The following FCER1A variants were observed in gnomAD, a reference collection of about 807,000 sequenced individuals.
The protein encoded by FCER1A is Fc epsilon receptor Ia, also known as high affinity immunoglobulin epsilon receptor subunit alpha.
A neutral mutation model predicts 23.6 loss-of-function variants in FCER1A; 24 were observed. The ratio of observed to expected loss-of-function variants is 1.02; its 90% CI spans 0.74 to 1.43. The LOEUF (loss-of-function observed/expected upper bound fraction) is 1.43, where lower values mean the gene tolerates loss of function less well. FCER1A is among the 40% of genes most tolerant of loss of function. The probability of loss-of-function intolerance (pLI) is 0.00; values close to 1 mark genes in which losing one functional copy is unlikely to be tolerated. For missense variants in FCER1A, 318 were observed against 294.5 expected, an observed-to-expected ratio of 1.08 and a Z score of -0.58; for synonymous variants, 121 against 108.8, an observed-to-expected ratio of 1.11 and a Z score of -0.70.
upstream of FCER1A, among the ~76,000 whole-genome samples, chr1:159,287,167 G>A (rs1026368837): frequency 6.6e-6 from 1 of 152,150 alleles, no homozygotes; most frequent in Non-Finnish European, 1.5e-5. Flanking sequence ...AAACCAAATT[G>A]CTTGTGGCTT....
At chr1:159,288,602 G>T (rs1652074900), upstream of FCER1A, among the ~76,000 whole-genome samples, 1 of 152,128 alleles carries the variant, frequency 6.6e-6, no homozygotes, top group Admixed American at 6.5e-5. Flanking sequence ...GAGCTCTACT[G>T]CACTCTTATC....
At chr1:159,293,545 C>A (rs1309781738) in intron 1 of FCER1A, among the ~76,000 whole-genome samples, 1 of 94,516 alleles carries the variant, frequency 1.1e-5, no homozygotes, top group Non-Finnish European at 1.9e-5. Flanking sequence ...CCTCCCCCCT[C>A]CCCCCACCCC....
rs1415860653 is a variant in FCER1A at position 159,307,008 on chromosome 1, T to C, written c.590-740T>C. 2.0e-5 allele frequency among the ~76,000 whole-genome samples: 3 copies of C among 152,384 alleles called. No homozygotes were observed. The South Asian group carries it at 6.2e-4, about 32-fold the overall frequency. ...TCTCTAGGCTTCCAGTATCTTCATC[T>C]GTAAAACAGAATATTTGGTCTAGAT... On this transcript the variant is annotated intron_variant, in intron 4 of 4. Transcript: ENST00000693622.
intron 1 of FCER1A, 114 bp from the exon 2 acceptor site, chr1:159,302,740 C>T (rs528286521): frequency 3.1e-5 from 29 of 929,544 alleles, no homozygotes; most frequent in African/African-American, 1.5e-4. Flanking sequence ...CCTGAAAAGA[C>T]GGTTGGTCCT....
chr1:159,299,005 T>G (rs1488086390), upstream of FCER1A, among the ~76,000 whole-genome samples: 1 of 152,248 alleles, frequency 6.6e-6, no homozygotes, highest in East Asian at 1.9e-4. Flanking sequence ...CATGAGCATG[T>G]GCTCTTAAGA....
chr1:159,288,998 A>G (rs966648597), upstream of FCER1A, among the ~76,000 whole-genome samples: 2 of 152,194 alleles, frequency 1.3e-5, no homozygotes, highest in African/African-American at 4.8e-5. Context: ...CATTTTTCCT[A>G]TACTTTAAGA....
intron 3 of FCER1A, 111 bp downstream of exon 3, chr1:159,304,293 G>A: frequency 9.3e-7 from 1 of 1,078,358 alleles, no homozygotes; most frequent in African/African-American, 1.6e-5. Flanking sequence ...GGGATTCAAG[G>A]CCTCTCATTT....
At chr1:159,299,208 ACATAAATAT>A (rs1652368503), upstream of FCER1A, among the ~76,000 whole-genome samples, 1 of 152,232 alleles carries the variant, frequency 6.6e-6, no homozygotes, top group Non-Finnish European at 1.5e-5. Flanking sequence ...TTTGTTAGGT[ACATAAATAT>A]CACGAGCAGA....
upstream of FCER1A, among the ~76,000 whole-genome samples, chr1:159,300,167 C>G (rs1197410881): frequency 6.6e-6 from 1 of 152,094 alleles, no homozygotes; most frequent in African/African-American, 2.4e-5. Flanking sequence ...ATGAAAGTGG[C>G]CTCCCTAACT....
intron 1 of FCER1A, among the ~76,000 whole-genome samples, chr1:159,294,978 T>G (rs1037854434): frequency 1.3e-5 from 2 of 152,218 alleles, no homozygotes; most frequent in Non-Finnish European, 2.9e-5. Flanking sequence ...TTTAATGAGA[T>G]AGCCCTTGAT....
chr1:159,289,173 T>A (rs1423579201), upstream of FCER1A, among the ~76,000 whole-genome samples: 3 of 152,206 alleles, frequency 2.0e-5, no homozygotes, highest in East Asian at 5.8e-4. Flanking sequence ...GACCTCCTGC[T>A]GCTCTTTCTT....
At chr1:159,288,112 T>C (rs1652061486), upstream of FCER1A, among the ~76,000 whole-genome samples, 1 of 152,202 alleles carries the variant, frequency 6.6e-6, no homozygotes, top group Non-Finnish European at 1.5e-5. Context: ...CTGGCATGCA[T>C]TTTAATATAT....
intron 1 of FCER1A, among the ~76,000 whole-genome samples, chr1:159,296,265 A>G (rs963575523): frequency 6.6e-6 from 1 of 152,114 alleles, no homozygotes; most frequent in Admixed American, 6.6e-5. Flanking sequence ...AACTGGATCT[A>G]CCTCTGCTAC....
At chr1:159,286,568 G>A (rs1652025411), upstream of FCER1A, among the ~76,000 whole-genome samples, 2 of 152,164 alleles carry the variant, frequency 1.3e-5, no homozygotes, top group South Asian at 4.1e-4. Flanking sequence ...TCCTGACCTT[G>A]TGATCCGCCC....
chr1:159,302,975 A>G, intron 2 of FCER1A, 101 bp downstream of exon 2: 4 of 1,150,786 alleles, frequency 3.5e-6, no homozygotes, highest in Non-Finnish European at 5.3e-6. Flanking sequence ...TCTAATGAGC[A>G]TGAATCTGTT....
At position 159,302,391 on chromosome 1, in the gene FCER1A, T is replaced by A. The variant is rs1266749815; in HGVS notation, c.27T>A (p.Thr9=). ...TGGCTCCTGCCATGGAATCCCCTACTCTACTGTGTGTAGCCTTACTGTTCT... is the reference window on the plus strand; with the variant it reads ...TGGCTCCTGCCATGGAATCCCCTACACTACTGTGTGTAGCCTTACTGTTCT... The part of the protein sequence containing the change: MAPAMESP[T]LLCVALLFFA... The change falls in exon 1 of 5, where the codon ACT becomes ACA. Residue 9 remains threonine, a synonymous_variant. Coordinates refer to ENST00000693622, the MANE Select transcript of FCER1A (RefSeq NM_001387280.1). 3.1e-6 allele frequency: 5 copies of A among 1,611,230 alleles called. No homozygotes were observed. The highest frequency in any genetic ancestry group is 4.2e-6 in the Non-Finnish European group (5 of 1,177,444).
upstream of FCER1A, among the ~76,000 whole-genome samples, chr1:159,287,876 GA>G (rs2102212349): frequency 6.6e-6 from 1 of 151,620 alleles, no homozygotes; most frequent in South Asian, 2.1e-4. Context: ...AATAATCAAT[GA>G]ATTAATTGCT....
At chr1:159,289,100 A>ACC (rs1223826984), upstream of FCER1A, among the ~76,000 whole-genome samples, 1 of 152,308 alleles carries the variant, frequency 6.6e-6, no homozygotes, top group Admixed American at 6.5e-5. Flanking sequence ...CAGTCCTGCC[A>ACC]TCTTTCCACT....
At chr1:159,289,674 T>C (rs1652098968), upstream of FCER1A, 1 of 152,132 alleles carries the variant, frequency 6.6e-6, no homozygotes, top group Non-Finnish European at 1.5e-5. Context: ...TTTTATAAAA[T>C]TAATCAATTT....
Sources: gnomAD v4.1 joint callset for allele counts (sites outside exome capture counted in the v4.1 genomes callset) on GRCh38, gnomAD v4.1.1 for gene constraint, MANE v1.5 for transcripts, NCBI Gene and HGNC (gene_info 2026-07-23, HGNC 2026-07-21) for gene names.